EYS: variants seen among roughly 807,000 people sequenced by gnomAD.
EYS encodes EGF-like photoreceptor maintenance factor, also known as protein eyes shut homolog.
Under a neutral mutation model 282.1 loss-of-function variants are expected in EYS, and 250 were observed. The ratio of observed to expected loss-of-function variants is 0.89; its 90% CI spans 0.80 to 0.98. The LOEUF (loss-of-function observed/expected upper bound fraction) is 0.98. EYS is among the 50% of genes least tolerant of loss of function. EYS has a pLI of 0.00. For missense variants in EYS, 4,016 were observed against 3,709.0 expected (o/e 1.08, Z -2.15); for synonymous variants, 1,355 against 1,282.9 (o/e 1.06, Z -1.20).
chr6:64,253,055 TTA>T (rs1767275811), intron 30 of EYS, among the ~76,000 whole-genome samples: 1 of 152,136 alleles, frequency 6.6e-6, no homozygotes, highest in African/African-American at 2.4e-5. Flanking sequence ...ACCTTATTCT[TTA>T]TGTCAATGCT....
chr6:65,691,353 T>C (rs1381027279), intron 1 of EYS, among the ~76,000 whole-genome samples: 1 of 150,430 alleles, frequency 6.6e-6, no homozygotes, highest in Non-Finnish European at 1.5e-5. Context: ...CTTTTTTTCA[T>C]ACAATTGTTG....
chr6:65,438,801 G>A (rs1459538934), intron 5 of EYS, among the ~76,000 whole-genome samples: 1 of 151,946 alleles, frequency 6.6e-6, no homozygotes, highest in Non-Finnish European at 1.5e-5. Context: ...CCATTTTCTA[G>A]GTTGCCTGTT....
At chr6:63,992,490 A>G (rs1009858462) in intron 34 of EYS, among the ~76,000 whole-genome samples, 1 of 151,960 alleles carries the variant, frequency 6.6e-6, no homozygotes, top group African/African-American at 2.4e-5. Context: ...TTTATGATTA[A>G]TAACATAAAG....
chr6:64,112,090 T>G (rs139681175), intron 31 of EYS, among the ~76,000 whole-genome samples: 2,982 of 152,188 alleles, frequency 0.02, 34 homozygotes, highest in Non-Finnish European at 0.032. Flanking sequence ...AGGCTTTATT[T>G]CACCTGAAAA....
At chr6:65,453,659 C>A (rs1764492268) in intron 5 of EYS, among the ~76,000 whole-genome samples, 1 of 151,992 alleles carries the variant, frequency 6.6e-6, no homozygotes, top group South Asian at 2.1e-4. Context: ...TGACCAAGCT[C>A]TCCTCAACCT....
chr6:64,561,314 G>T (rs1765388196), intron 26 of EYS, among the ~76,000 whole-genome samples: 1 of 152,122 alleles, frequency 6.6e-6, no homozygotes, highest in South Asian at 2.1e-4. Context: ...AGTATTGAAA[G>T]TCCTAGCCAG....
intron 26 of EYS, among the ~76,000 whole-genome samples, chr6:64,549,240 C>T (rs988008865): frequency 6.6e-6 from 1 of 152,168 alleles, no homozygotes; most frequent in African/African-American, 2.4e-5. Flanking sequence ...CTTCACTCTG[C>T]CTCACCGTAT....
chr6:65,068,570 G>A (rs926716907), intron 12 of EYS, among the ~76,000 whole-genome samples: 1 of 151,834 alleles, frequency 6.6e-6, no homozygotes, highest in African/African-American at 2.4e-5. Context: ...TCTCACCTGT[G>A]TGTCTATGTA....
At chr6:63,732,203 A>G (rs139993958) in intron 41 of EYS, among the ~76,000 whole-genome samples, 3 of 152,212 alleles carry the variant, frequency 2.0e-5, no homozygotes, top group African/African-American at 7.2e-5. Context: ...CTGAAATTAT[A>G]TGTAAATGTC....
In EYS at chr6:65,028,919, T is replaced by C. The variant is rs187535276; in HGVS notation, c.2137+28695A>G. Among the ~76,000 whole-genome samples the C allele has an allele frequency of 1.8e-3, 281 of 152,224 alleles. 2 individuals carry two copies. Among genetic ancestry groups the C allele is most frequent in the African/African-American group, 6.7e-3 (277 of 41,562 alleles). On this transcript the variant is annotated intron_variant, in intron 13 of 42. Coordinates refer to ENST00000503581, the MANE Select transcript of EYS (RefSeq NM_001142800.2). ...TAAGGAAGAGCTTTGCCTTTATACC[T>C]CCCTAAGTATTTGTCTATTTTTCAA... is the stretch of plus-strand genomic sequence containing the variant.
intron 19 of EYS, among the ~76,000 whole-genome samples, chr6:64,881,879 T>C (rs917845189): frequency 5.3e-5 from 8 of 151,900 alleles, no homozygotes; most frequent in African/African-American, 1.2e-4. Flanking sequence ...AAATAAACAT[T>C]GTTTTAAGAA....
At chr6:65,429,095 G>A (rs1326450443) in intron 5 of EYS, among the ~76,000 whole-genome samples, 1 of 151,958 alleles carries the variant, frequency 6.6e-6, no homozygotes, top group African/African-American at 2.4e-5. Flanking sequence ...CAGAAGAATT[G>A]CTTGAACCCA....
intron 7 of EYS, among the ~76,000 whole-genome samples, chr6:65,398,152 T>C (rs549944260): frequency 1.3e-5 from 2 of 152,194 alleles, no homozygotes; most frequent in South Asian, 4.1e-4. Context: ...AGATTCTGAA[T>C]ACTAGCCTTT....
At chr6:64,751,220 G>C (rs1772741224) in intron 22 of EYS, among the ~76,000 whole-genome samples, 1 of 152,232 alleles carries the variant, frequency 6.6e-6, no homozygotes, top group East Asian at 1.9e-4. Flanking sequence ...TGGCACATTT[G>C]CTCCCCTGGT....
At chr6:64,522,157 A>C (rs1777763302) in intron 26 of EYS, among the ~76,000 whole-genome samples, 1 of 151,808 alleles carries the variant, frequency 6.6e-6, no homozygotes, top group African/African-American at 2.4e-5. Context: ...CATAAATTGA[A>C]GTATGCGGTG....
chr6:63,757,720 G>C (rs1769525609), intron 41 of EYS, among the ~76,000 whole-genome samples: 1 of 152,022 alleles, frequency 6.6e-6, no homozygotes, highest in Non-Finnish European at 1.5e-5. Flanking sequence ...TGACACTTAG[G>C]GAAAATAGAA....
chr6:64,164,716 G>T (rs138587031), intron 31 of EYS, among the ~76,000 whole-genome samples: 2,919 of 152,172 alleles, frequency 0.019, 81 homozygotes, highest in African/African-American at 0.066. Context: ...AAGGGCTTTT[G>T]CCGAGGACCT....
intron 14 of EYS, among the ~76,000 whole-genome samples, chr6:64,962,257 T>A (rs999747951): frequency 3.3e-5 from 5 of 152,110 alleles, no homozygotes; most frequent in African/African-American, 1.2e-4. Context: ...CCACTAGTAG[T>A]AAATGAGATG....
intron 26 of EYS, among the ~76,000 whole-genome samples, chr6:64,546,763 C>T (rs1394487319): frequency 6.6e-6 from 1 of 152,144 alleles, no homozygotes; most frequent in Non-Finnish European, 1.5e-5. Flanking sequence ...CCAAAAGACA[C>T]ATGAAAAAAT....
Sources: allele counts gnomAD v4.1 joint callset (sites outside exome capture counted in the v4.1 genomes callset), GRCh38; gene constraint gnomAD v4.1.1; transcripts MANE v1.5; gene names NCBI Gene and HGNC (gene_info 2026-07-23, HGNC 2026-07-21).